Variants in GLDC observed in about 807,000 individuals in gnomAD.
The protein encoded by GLDC is glycine dehydrogenase (decarboxylating), mitochondrial.
GLDC carries 104 observed loss-of-function variants against 121.3 expected under a neutral mutation model. The observed-to-expected ratio is 0.86, with a 90% CI of 0.73 to 1.01. The LOEUF is 1.01. Among genes scored for constraint, GLDC ranks in the 50% least tolerant of loss-of-function variants. GLDC has a pLI of 0.00. For synonymous variants in GLDC, 546 were observed against 480.6 expected, an observed-to-expected ratio of 1.14 and a Z score of -1.78; for missense variants, 1,429 against 1,306.6, an observed-to-expected ratio of 1.09 and a Z score of -1.44.
chr9:6,635,645 A>G lies in GLDC; in HGVS notation c.334+8969T>C, dbSNP rs112626448. On this transcript the variant is annotated intron_variant, in intron 2 of 24. Coordinates refer to ENST00000321612, the MANE Select transcript of GLDC (RefSeq NM_000170.3). ...CCCAGCATGTTGGCAGACCAAAATG[A>G]GAGAATCATTTAAGCCCAGAAGCTT... Among the ~76,000 whole-genome samples the G allele has an allele frequency of 1.3e-3, 202 of 152,218 alleles. 1 individual carries two copies. Among genetic ancestry groups the G allele is most frequent in the African/African-American group, 4.8e-3 (200 of 41,516 alleles).
chr9:6,627,970 G>C lies in GLDC; in HGVS notation c.335-7651C>G, dbSNP rs188102634. On this transcript the variant is annotated intron_variant, in intron 2 of 24. Coordinates refer to ENST00000321612, the MANE Select transcript of GLDC (RefSeq NM_000170.3). ...GAAGCCCAGAGTTTGAGTAACTTTG[G>C]TGTCAAGATAGCAATAGATGCAGAG... is the stretch of plus-strand genomic sequence containing the variant. Among the ~76,000 whole-genome samples the C allele has an allele frequency of 2.0e-5, 3 of 152,306 alleles. No individual in the cohort carries two copies. In the East Asian group the frequency reaches 5.8e-4, roughly 29 times the overall value.
chr9:6,623,478 C>A (rs550653730), intron 2 of GLDC, among the ~76,000 whole-genome samples: 2 of 150,240 alleles, frequency 1.3e-5, no homozygotes, highest in South Asian at 4.2e-4. Flanking sequence ...ACAAACACTG[C>A]GGAAGGCCGC....
At chr9:6,618,000 C>T (rs1818999011) in intron 3 of GLDC, among the ~76,000 whole-genome samples, 1 of 152,200 alleles carries the variant, frequency 6.6e-6, no homozygotes, top group Admixed American at 6.6e-5. Flanking sequence ...ATTGCAGAGG[C>T]AACCACTTAC....
intron 2 of GLDC, among the ~76,000 whole-genome samples, chr9:6,634,847 C>T (rs1425524789): frequency 1.3e-5 from 2 of 152,188 alleles, no homozygotes. Context: ...CCCTCCCTCT[C>T]CTCTGATCTC....
intron 21 of GLDC, among the ~76,000 whole-genome samples, chr9:6,549,839 G>A (rs963742565): frequency 1.9e-4 from 29 of 152,012 alleles, no homozygotes; most frequent in African/African-American, 6.5e-4. Flanking sequence ...CCCCCTTGCC[G>A]CCGTCTTAAT....
In GLDC at chr9:6,606,309, C is replaced by CAA. The variant is rs56758871; in HGVS notation, c.713+281_713+282dup. On this transcript the variant is annotated intron_variant, in intron 5 of 24. Transcript: ENST00000321612. Reference sequence around the variant, plus strand: ...TGGACGACAGAGCGAGACTCCGTCTCAAAAAAAAAAAAAAAAAAAAGAAGA... The same window carrying CAA: ...TGGACGACAGAGCGAGACTCCGTCTCAAAAAAAAAAAAAAAAAAAAAAGAAGA... 0.045 allele frequency among the ~76,000 whole-genome samples: 4,067 copies of CAA among 89,876 alleles called. 308 individuals carry two copies. Among genetic ancestry groups the CAA allele is most frequent in the African/African-American group, 0.15 (3,793 of 25,538 alleles). The allele number at this position is 89,876 out of a possible 152,430, so 59.0% of individuals were successfully genotyped here.
chr9:6,564,795 G>A (rs1817822437), intron 16 of GLDC, among the ~76,000 whole-genome samples: 1 of 152,250 alleles, frequency 6.6e-6, no homozygotes, highest in South Asian at 2.1e-4. Context: ...AGGCGATTGG[G>A]ATCCTGGAGA....
intron 15 of GLDC, among the ~76,000 whole-genome samples, chr9:6,571,793 G>A (rs1256633872): frequency 3.3e-5 from 5 of 152,120 alleles, no homozygotes; most frequent in African/African-American, 1.2e-4. Context: ...AACTGAAACT[G>A]CAAATAAGTG....
intron 21 of GLDC, among the ~76,000 whole-genome samples, chr9:6,550,455 T>C (rs958897352): frequency 6.6e-6 from 1 of 152,012 alleles, no homozygotes; most frequent in African/African-American, 2.4e-5. Flanking sequence ...GGTGAAACCC[T>C]GTCTCTACTA....
intron 16 of GLDC, among the ~76,000 whole-genome samples, chr9:6,559,591 G>A (rs1467136321): frequency 2.0e-5 from 3 of 150,594 alleles, no homozygotes; most frequent in East Asian, 1.9e-4. Flanking sequence ...CCAACACTTC[G>A]GGAGGTGGAG....
chr9:6,637,854 A>T (rs544355058), intron 2 of GLDC, among the ~76,000 whole-genome samples: 6 of 150,374 alleles, frequency 4.0e-5, no homozygotes, highest in South Asian at 2.1e-4. Context: ...CACATTAAAA[A>T]TTTTTTTTTA....
intron 20 of GLDC, among the ~76,000 whole-genome samples, chr9:6,551,840 T>G (rs944199782): frequency 4.6e-5 from 7 of 152,326 alleles, no homozygotes; most frequent in African/African-American, 1.7e-4. Context: ...ACTCCATTTT[T>G]AAGCCCAAAA....
At chr9:6,631,676 A>G (rs565765625) in intron 2 of GLDC, among the ~76,000 whole-genome samples, 1 of 152,230 alleles carries the variant, frequency 6.6e-6, no homozygotes, top group Non-Finnish European at 1.5e-5. Flanking sequence ...GTACATTGTC[A>G]TGGCCTACAG....
chr9:6,533,876 A>T (rs1029927609), intron 24 of GLDC, among the ~76,000 whole-genome samples: 2 of 150,246 alleles, frequency 1.3e-5, no homozygotes, highest in African/African-American at 4.9e-5. Context: ...AAAAAAAGTT[A>T]ATTTCTCATA....
intron 22 of GLDC, 58 bp from the exon 23 acceptor site, chr9:6,536,294 G>T: frequency 6.9e-7 from 1 of 1,442,982 alleles, no homozygotes; most frequent in Non-Finnish European, 9.6e-7. Flanking sequence ...ACCCAGTTTG[G>T]AAGAAAAGTT....
At chr9:6,602,535 T>A (rs1347876760) in intron 7 of GLDC, among the ~76,000 whole-genome samples, 2 of 152,114 alleles carry the variant, frequency 1.3e-5, no homozygotes, top group South Asian at 2.1e-4. Flanking sequence ...GTATTTTTAG[T>A]AGAGATGGGG....
intron 15 of GLDC, among the ~76,000 whole-genome samples, chr9:6,582,784 G>A (rs1184710300): frequency 4.0e-5 from 6 of 150,822 alleles, no homozygotes; most frequent in East Asian, 1.9e-4. Context: ...AGCCGATATC[G>A]CGCCACTGCA....
chr9:6,540,516 T>TC, intron 21 of GLDC: 1 of 260,766 alleles, frequency 3.8e-6, no homozygotes, highest in East Asian at 9.4e-5. Flanking sequence ...TGTTGTATAG[T>TC]CCTGATCCTT....
intron 2 of GLDC, among the ~76,000 whole-genome samples, chr9:6,627,865 T>A (rs1322151913): frequency 6.6e-6 from 1 of 152,194 alleles, no homozygotes; most frequent in African/African-American, 2.4e-5. Flanking sequence ...AAATGTTTGT[T>A]CACTGGTTGC....
Sources: gnomAD v4.1 joint callset for allele counts (sites outside exome capture counted in the v4.1 genomes callset) on GRCh38, gnomAD v4.1.1 for gene constraint, MANE v1.5 for transcripts, NCBI Gene and HGNC (gene_info 2026-07-23, HGNC 2026-07-21) for gene names.